The following MED6 variants were observed in gnomAD, a reference collection of about 807,000 sequenced individuals.
MED6 encodes the protein mediator of RNA polymerase II transcription subunit 6.
In MED6, 33 loss-of-function variants were observed where a neutral mutation model predicts 37.5. The ratio of observed to expected loss-of-function variants is 0.88; its 90% CI spans 0.67 to 1.18. The LOEUF is 1.18. Ranked by LOEUF, MED6 falls within the 50% of genes most tolerant of loss-of-function variation. MED6 has a pLI of 0.00. For missense variants in MED6, 235 were observed against 290.6 expected, an observed-to-expected ratio of 0.81 and a Z score of 1.39; for synonymous variants, 94 against 93.6, an observed-to-expected ratio of 1.00 and a Z score of -0.02.
chr14:70,600,336 G>C (rs1356322563), intron 1 of MED6, among the ~76,000 whole-genome samples: 1 of 151,792 alleles, frequency 6.6e-6, no homozygotes, highest in Non-Finnish European at 1.5e-5. Flanking sequence ...TGTTGTTGCA[G>C]AGATACGTGT....
intron 1 of MED6, among the ~76,000 whole-genome samples, chr14:70,599,038 T>G (rs1184435527): frequency 6.6e-6 from 1 of 152,242 alleles, no homozygotes; most frequent in Non-Finnish European, 1.5e-5. Context: ...GGCTATTGGC[T>G]TTCATGATGC....
intron 3 of MED6, chr14:70,594,736 T>C: frequency 2.0e-6 from 1 of 490,390 alleles, no homozygotes; most frequent in Non-Finnish European, 3.8e-6. Flanking sequence ...TACAGGAGCC[T>C]GGCCATGGGA....
At chr14:70,600,520 T>C (rs2139608245) in intron 1 of MED6, 96 bp downstream of exon 1, 1 of 1,411,538 alleles carries the variant, frequency 7.1e-7, no homozygotes, top group Non-Finnish European at 9.9e-7. Flanking sequence ...AGCTTGAGAC[T>C]TCACACAAAG....
intron 6 of MED6, among the ~76,000 whole-genome samples, chr14:70,587,324 C>T (rs918311120): frequency 1.3e-5 from 2 of 152,146 alleles, no homozygotes; most frequent in South Asian, 4.1e-4. Flanking sequence ...TAGCTGAGTA[C>T]AACTACATGC....
chr14:70,585,686 A>G (rs1051202897), intron 7 of MED6, 70 bp downstream of exon 7: 2 of 1,363,692 alleles, frequency 1.5e-6, no homozygotes, highest in African/African-American at 3.0e-5. Flanking sequence ...TTCACATGCT[A>G]TACTTGTGAT....
intron 3 of MED6, chr14:70,594,778 C>T: frequency 3.5e-6 from 2 of 566,292 alleles, no homozygotes; most frequent in Non-Finnish European, 6.4e-6. Flanking sequence ...TGGGAGGCAT[C>T]CAGAACGAGG....
chr14:70,596,730 A>T (rs1203290804), intron 2 of MED6, 28 bp from the exon 3 acceptor site: 1 of 1,474,514 alleles, frequency 6.8e-7, no homozygotes, highest in Non-Finnish European at 9.5e-7. Context: ...ACATCCAAAG[A>T]TCTATAAACG....
chr14:70,600,119 A>C (rs1403327550), intron 1 of MED6, among the ~76,000 whole-genome samples: 1 of 152,054 alleles, frequency 6.6e-6, no homozygotes, highest in Admixed American at 6.5e-5. Context: ...GCCCATAATA[A>C]TTGCTGGACG....
At chr14:70,591,855 A>T (rs1375495257) in intron 5 of MED6, 1 of 152,454 alleles carries the variant, frequency 6.6e-6, no homozygotes, top group South Asian at 2.1e-4. Flanking sequence ...AAAATAATAA[A>T]ACAGAAAATT....
At chr14:70,596,538 C>T in intron 3 of MED6, 73 bp downstream of exon 3, 1 of 1,219,596 alleles carries the variant, frequency 8.2e-7, no homozygotes, top group Non-Finnish European at 1.2e-6. Flanking sequence ...ATCAAAAAAA[C>T]AAGTTAGGTC....
intron 6 of MED6, 150 bp from the exon 7 acceptor site, chr14:70,585,933 CTATG>C (rs1884694558): frequency 3.4e-6 from 2 of 588,140 alleles, no homozygotes; most frequent in Non-Finnish European, 5.9e-6. Context: ...AGAAAAGCTA[CTATG>C]TATGTACTAT....
intron 3 of MED6, chr14:70,594,726 T>G (rs1281252310): frequency 2.1e-6 from 1 of 472,344 alleles, no homozygotes; most frequent in South Asian, 1.9e-5. Flanking sequence ...CAGCTTGGGG[T>G]ACAGGAGCCT....
chr14:70,596,529 T>C, intron 3 of MED6, 82 bp downstream of exon 3: 2 of 1,101,538 alleles, frequency 1.8e-6, no homozygotes, highest in Non-Finnish European at 2.7e-6. Flanking sequence ...CAGAAACCAA[T>C]CAAAAAAACA....
Position 70,585,802 on chromosome 14 carries a change from A to C in MED6, c.583-19T>G, listed in dbSNP as rs1403197864. The C allele has an allele frequency of 6.2e-7, 1 of 1,604,408 alleles. No homozygotes were observed. The highest frequency in any genetic ancestry group is 1.3e-5 in the African/African-American group (1 of 74,382). On this transcript the variant is annotated intron_variant, in intron 6 of 7. Transcript: ENST00000256379. ...GCTTTAGCTATAATTTTTTAGAAAA[A>C]AGGGAGGGAGAGGAAGAGGAAAAAG...
At chr14:70,593,543 A>G (rs1595051480) in intron 3 of MED6, among the ~76,000 whole-genome samples, 165 bp from the exon 4 acceptor site, 1 of 152,214 alleles carries the variant, frequency 6.6e-6, no homozygotes, top group Non-Finnish European at 1.5e-5. Flanking sequence ...AATCATTTAC[A>G]TATTATCTAT....
At chr14:70,585,600 A>C (rs1884683424) in intron 7 of MED6, among the ~76,000 whole-genome samples, 156 bp downstream of exon 7, 1 of 146,828 alleles carries the variant, frequency 6.8e-6, no homozygotes, top group Non-Finnish European at 1.5e-5. Context: ...GTGTTATTTT[A>C]TGTGTGACCC....
At chr14:70,600,262 G>T (rs1436989611) in intron 1 of MED6, among the ~76,000 whole-genome samples, 1 of 152,072 alleles carries the variant, frequency 6.6e-6, no homozygotes, top group African/African-American at 2.4e-5. Context: ...AATCAAGTTG[G>T]CTTATTACCC....
At chr14:70,596,947 C>T (rs1450014078) in intron 2 of MED6, among the ~76,000 whole-genome samples, 1 of 152,134 alleles carries the variant, frequency 6.6e-6, no homozygotes, top group African/African-American at 2.4e-5. Flanking sequence ...AAATTTAAAT[C>T]TAAGTATTTT....
At chr14:70,598,551 G>A (rs1885113793) in intron 1 of MED6, among the ~76,000 whole-genome samples, 1 of 152,120 alleles carries the variant, frequency 6.6e-6, no homozygotes, top group South Asian at 2.1e-4. Context: ...TTCATGTGGA[G>A]AGAAGGTGGG....
Sources: allele counts gnomAD v4.1 joint callset (sites outside exome capture counted in the v4.1 genomes callset), GRCh38; gene constraint gnomAD v4.1.1; transcripts MANE v1.5; gene names NCBI Gene and HGNC (gene_info 2026-07-23, HGNC 2026-07-21).